The following ZNF658 variants were observed in gnomAD, a reference collection of about 807,000 sequenced individuals.
ZNF658 encodes zinc finger protein 658.
A neutral mutation model predicts 78.0 loss-of-function variants in ZNF658; 46 were observed. The observed-to-expected ratio is 0.59, with a 90% confidence interval of 0.47 to 0.75. The LOEUF is 0.75. Among genes scored for constraint, ZNF658 ranks in the 30% least tolerant of loss-of-function variants. The pLI is 0.00. For missense variants in ZNF658, 785 were observed against 1,189.3 expected (o/e 0.66, Z 5.00); for synonymous variants, 279 against 408.4 (o/e 0.68, Z 3.82).
intron 6 of ZNF658, among the ~76,000 whole-genome samples, chr9:66,926,995 G>C (rs201118122): frequency 0.034 from 5,169 of 150,480 alleles, 171 homozygotes; most frequent in East Asian, 0.21. Context: ...GGGAAAACTG[G>C]ATATCTCCAT....
chr9:66,925,359 A>C (rs981047726), downstream of ZNF658, among the ~76,000 whole-genome samples: 44 of 152,264 alleles, frequency 2.9e-4, no homozygotes, highest in African/African-American at 9.6e-4. Flanking sequence ...TTTAAACATC[A>C]AACAGTGTAC....
At chr9:66,904,740 C>T (rs148691608) in intron 2 of ZNF658, among the ~76,000 whole-genome samples, 25,977 of 151,948 alleles carry the variant, frequency 0.17, 2,383 homozygotes, top group African/African-American at 0.25. Flanking sequence ...TCCTCTATCT[C>T]CATAGTTTTG....
At chr9:66,907,378 G>A (rs564500733) in intron 2 of ZNF658, among the ~76,000 whole-genome samples, 24 of 152,062 alleles carry the variant, frequency 1.6e-4, no homozygotes, top group Non-Finnish European at 3.2e-4. Flanking sequence ...GCACCACCAA[G>A]CAGCTGCTTA....
At chr9:66,903,258 G>A in intron 1 of ZNF658, 1 of 394,920 alleles carries the variant, frequency 2.5e-6, no homozygotes, top group Non-Finnish European at 4.7e-6. Context: ...ATTCAGGTGT[G>A]GCTATCTTTG....
intron 4 of ZNF658, among the ~76,000 whole-genome samples, chr9:66,911,657 C>A: frequency 8.5e-6 from 1 of 117,050 alleles, no homozygotes; most frequent in African/African-American, 4.0e-5. Context: ...GAGGAAACAC[C>A]TATATAATAA....
Position 66,920,924 on chromosome 9 carries a change from C to T in ZNF658, c.*178C>T. 2.7e-6 allele frequency: 2 copies of T among 734,446 alleles called. No homozygotes were observed. The highest frequency in any genetic ancestry group is 4.7e-6 in the Non-Finnish European group (2 of 426,316). The allele number at this position is 734,446 out of a possible 1,614,324, so 45.5% of individuals were successfully genotyped here. On this transcript the variant is annotated 3_prime_UTR_variant, in exon 5 of 5. Transcript: ENST00000621410. ...GATGTGGTGCTAATGATAAATATTACATTTACCCTTGGCCCTTAAAAAAAA... is the reference window on the plus strand; with the variant it reads ...GATGTGGTGCTAATGATAAATATTATATTTACCCTTGGCCCTTAAAAAAAA...
intron 4 of ZNF658, among the ~76,000 whole-genome samples, 167 bp from the exon 5 acceptor site, chr9:66,917,638 A>G (rs1333197570): frequency 7.7e-6 from 1 of 130,270 alleles, no homozygotes; most frequent in Non-Finnish European, 1.6e-5. Context: ...ACTTGAGCCT[A>G]GGAGTTCAAG....
downstream of ZNF658, among the ~76,000 whole-genome samples, chr9:66,926,323 A>C (rs1189872575): frequency 1.3e-5 from 2 of 148,466 alleles, no homozygotes; most frequent in African/African-American, 5.0e-5. Context: ...TCTAATATAC[A>C]GAAAACTCTA....
At chr9:66,915,326 T>C (rs1375522019) in intron 4 of ZNF658, among the ~76,000 whole-genome samples, 1 of 152,050 alleles carries the variant, frequency 6.6e-6, no homozygotes, top group Non-Finnish European at 1.5e-5. Flanking sequence ...TTCTCTGTGG[T>C]TACAATACAC....
At chr9:66,915,094 T>G (rs867233215) in intron 4 of ZNF658, among the ~76,000 whole-genome samples, 1 of 141,098 alleles carries the variant, frequency 7.1e-6, no homozygotes, top group East Asian at 2.1e-4. Context: ...CACACACACA[T>G]ACACATATAT....
intron 2 of ZNF658, among the ~76,000 whole-genome samples, chr9:66,905,016 T>C (rs949834702): frequency 1.4e-5 from 2 of 148,024 alleles, no homozygotes; most frequent in Admixed American, 6.7e-5. Flanking sequence ...ACTCTGATTC[T>C]CATGTCCAGG....
intron 4 of ZNF658, among the ~76,000 whole-genome samples, chr9:66,910,671 C>A (rs967058493): frequency 4.6e-5 from 7 of 151,982 alleles, no homozygotes; most frequent in African/African-American, 1.7e-4. Context: ...AGCCAGGCAC[C>A]TGTAGTCTCA....
chr9:66,913,025 A>G (rs1292916064), intron 4 of ZNF658, among the ~76,000 whole-genome samples: 1 of 151,168 alleles, frequency 6.6e-6, no homozygotes, highest in Non-Finnish European at 1.5e-5. Context: ...GGTGGAAAGA[A>G]GAATGAAGAT....
chr9:66,925,408 T>G (rs1272727437), downstream of ZNF658, among the ~76,000 whole-genome samples: 1 of 151,984 alleles, frequency 6.6e-6, no homozygotes, highest in African/African-American at 2.4e-5. Flanking sequence ...GAAAAAGACA[T>G]TGCAACTGAT....
At chr9:66,921,888 G>A (rs940312663), downstream of ZNF658, among the ~76,000 whole-genome samples, 2 of 149,226 alleles carry the variant, frequency 1.3e-5, no homozygotes, top group African/African-American at 5.0e-5. Context: ...TGTCGGACAG[G>A]GACATTTAAG....
chr9:66,922,414 A>T (rs1364786190), downstream of ZNF658, among the ~76,000 whole-genome samples: 1 of 149,166 alleles, frequency 6.7e-6, no homozygotes, highest in Non-Finnish European at 1.5e-5. Context: ...GAAATCACTC[A>T]TCTTCTGCGT....
At chr9:66,929,435 G>A (rs1342228742) in intron 6 of ZNF658, among the ~76,000 whole-genome samples, 1 of 140,564 alleles carries the variant, frequency 7.1e-6, no homozygotes, top group Non-Finnish European at 1.5e-5. Context: ...AGGGACTGAG[G>A]AATAAGTGAG....
At chr9:66,929,130 A>G (rs1362944626) in intron 6 of ZNF658, among the ~76,000 whole-genome samples, 1 of 151,846 alleles carries the variant, frequency 6.6e-6, no homozygotes, top group African/African-American at 2.4e-5. Flanking sequence ...TGAATAAATG[A>G]AAAATCATTT....
chr9:66,917,992 C>G lies in ZNF658; in HGVS notation c.426C>G (p.His142Gln). The change falls in exon 5 of 5, where the codon CAC (histidine) becomes CAG (glutamine). Residue 142 changes from histidine to glutamine, a missense_variant. By Grantham distance (24) the His-to-Gln change is conservative. Around this residue, in one of 12 missense-constraint regions of ZNF658, gnomAD observed 54 missense variants for 48.9 expected, o/e 1.10. Coordinates refer to ENST00000621410, the MANE Select transcript of ZNF658 (RefSeq NM_033160.7). ...SEKISCKCDSHRMNLPVASQL... is the reference protein window; with the variant it reads ...SEKISCKCDSQRMNLPVASQL... Reference sequence around the variant, plus strand: ...AAATATCCTGTAAATGTGACTCACACAGAATGAATTTGCCAGTTGCTTCTC... The same window carrying G: ...AAATATCCTGTAAATGTGACTCACAGAGAATGAATTTGCCAGTTGCTTCTC... 1.3e-6 allele frequency: 2 copies of G among 1,594,338 alleles called. No homozygotes were observed. The highest frequency in any genetic ancestry group is 1.7e-6 in the Non-Finnish European group (2 of 1,175,202).
Sources: allele counts gnomAD v4.1 joint callset (sites outside exome capture counted in the v4.1 genomes callset), GRCh38; gene constraint gnomAD v4.1.1; regional missense constraint gnomAD v4.1.1; transcripts MANE v1.5; gene names NCBI Gene and HGNC (gene_info 2026-07-23, HGNC 2026-07-21).